Variants in LHPP observed in about 807,000 individuals in gnomAD.
LHPP encodes hLHPP.
Under a neutral mutation model 30.3 loss-of-function variants are expected in LHPP, and 24 were observed. The ratio of observed to expected loss-of-function variants is 0.79; its 90% CI spans 0.57 to 1.11. The LOEUF (loss-of-function observed/expected upper bound fraction) is 1.11. Among genes scored for constraint, LHPP ranks in the 50% most tolerant of loss-of-function variants. LHPP has a pLI of 0.00. For missense variants in LHPP, 356 were observed against 367.2 expected, an observed-to-expected ratio of 0.97 and a Z score of 0.25; for synonymous variants, 150 against 157.1, an observed-to-expected ratio of 0.95 and a Z score of 0.34.
At chr10:124,504,829 G>A (rs1781628475) in intron 5 of LHPP, among the ~76,000 whole-genome samples, 1 of 152,052 alleles carries the variant, frequency 6.6e-6, no homozygotes, top group African/African-American at 2.4e-5. Context: ...CCACCTCACC[G>A]CCGAAAGAAG....
chr10:124,526,285 A>G, intron 6 of LHPP: 1 of 968,930 alleles, frequency 1.0e-6, no homozygotes, highest in Non-Finnish European at 1.2e-6. Context: ...TGGCGGGGCC[A>G]GTGCTCATGC....
At chr10:124,519,837 C>A (rs1564806644) in intron 6 of LHPP, among the ~76,000 whole-genome samples, 3 of 150,824 alleles carry the variant, frequency 2.0e-5, no homozygotes. Flanking sequence ...TTGTTTCTTT[C>A]TTTTTTTTTC....
Position 124,461,893 on chromosome 10 carries a change from G to A in LHPP, c.31G>A (p.Val11Met). 1 of 1,256,848 alleles carries A rather than the reference G, an allele frequency of 8.0e-7. No homozygotes were observed. Among genetic ancestry groups the A allele is most frequent in the Non-Finnish European group, 1.0e-6 (1 of 997,554 alleles). The allele number at this position is 1,256,848 out of a possible 1,614,324, so 77.9% of individuals were successfully genotyped here. MAPWGKRLAG[V>M]RGVLLDISGV... ...ACCGTGGGGCAAGCGGCTGGCTGGC[G>A]TGCGCGGGGTGCTGCTTGACATCTC... The change falls in exon 1 of 7, where the codon GTG becomes ATG. Residue 11 changes from valine to methionine, a missense_variant. Transcript: ENST00000368842.
intron 1 of LHPP, among the ~76,000 whole-genome samples, chr10:124,481,810 G>A (rs1953145743): frequency 6.6e-6 from 1 of 152,180 alleles, no homozygotes; most frequent in Non-Finnish European, 1.5e-5. Context: ...TGCGCAAGGT[G>A]GGTGGCCCTT....
chr10:124,506,680 G>GACA (rs1564796503), intron 5 of LHPP, among the ~76,000 whole-genome samples: 35 of 107,236 alleles, frequency 3.3e-4, no homozygotes, highest in Non-Finnish European at 4.9e-4. Flanking sequence ...TTGGGGGGTA[G>GACA]GGAAGATTTC....
chr10:124,479,146 G>T lies in LHPP; in HGVS notation c.126-4993G>T, dbSNP rs187024422. 2.1e-3 allele frequency among the ~76,000 whole-genome samples: 327 copies of T among 152,228 alleles called. 3 individuals are homozygous for T. Among genetic ancestry groups the T allele is most frequent in the African/African-American group, 7.2e-3 (299 of 41,532 alleles). ...CCACTCCCATGGGACTCCTGGGGAG[G>T]AGGCAGCGTGCTGAGGTGGGGGCCA... is the stretch of plus-strand genomic sequence containing the variant. On this transcript the variant is annotated intron_variant, in intron 1 of 6. Coordinates refer to ENST00000368842, the MANE Select transcript of LHPP (RefSeq NM_022126.4).
At chr10:124,481,762 T>A (rs558077645) in intron 1 of LHPP, among the ~76,000 whole-genome samples, 2 of 152,264 alleles carry the variant, frequency 1.3e-5, no homozygotes, top group Admixed American at 1.3e-4. Flanking sequence ...CTCGAGTTCT[T>A]TCTATCCGAG....
intron 6 of LHPP, among the ~76,000 whole-genome samples, chr10:124,577,864 G>A (rs1948689439): frequency 6.6e-6 from 1 of 152,076 alleles, no homozygotes; most frequent in Non-Finnish European, 1.5e-5. Flanking sequence ...CCAGCTCCTT[G>A]TGTGACCTCT....
At chr10:124,600,892 T>C (rs1418870802) in intron 6 of LHPP, among the ~76,000 whole-genome samples, 1 of 152,230 alleles carries the variant, frequency 6.6e-6, no homozygotes, top group East Asian at 1.9e-4. Context: ...ACTAACGGAA[T>C]GTCCCTGATC....
At chr10:124,605,335 C>T (rs10794165) in intron 6 of LHPP, 140,684 of 152,254 alleles carry the variant, frequency 0.92, 65,204 homozygotes, top group East Asian at 1. Flanking sequence ...GGGGGACCAC[C>T]GAGGGCAGGA....
chr10:124,479,819 TG>T (rs1317499567), intron 1 of LHPP, among the ~76,000 whole-genome samples: 1 of 152,244 alleles, frequency 6.6e-6, no homozygotes, highest in Non-Finnish European at 1.5e-5. Context: ...CAGGCCTTGC[TG>T]CTTACAAGCT....
intron 6 of LHPP, among the ~76,000 whole-genome samples, chr10:124,599,962 A>G (rs916820341): frequency 2.6e-5 from 4 of 152,228 alleles, no homozygotes; most frequent in Non-Finnish European, 5.9e-5. Context: ...TAGGTCCTGA[A>G]GACCACAGGG....
At chr10:124,480,686 T>C (rs2133839990) in intron 1 of LHPP, among the ~76,000 whole-genome samples, 1 of 152,286 alleles carries the variant, frequency 6.6e-6, no homozygotes, top group South Asian at 2.1e-4. Flanking sequence ...AATTTAAAAA[T>C]AAAACTATCT....
intron 6 of LHPP, among the ~76,000 whole-genome samples, chr10:124,602,251 A>G (rs2362507): frequency 0.6 from 91,054 of 152,166 alleles, 27,428 homozygotes; most frequent in East Asian, 0.68. Flanking sequence ...ATGGCTGTTC[A>G]TCTCTGGGGG....
chr10:124,578,313 G>A (rs746939592), intron 6 of LHPP, among the ~76,000 whole-genome samples: 7 of 152,236 alleles, frequency 4.6e-5, no homozygotes, highest in Non-Finnish European at 1.0e-4. Context: ...CCTCAGGGGC[G>A]GCTCTGCGAG....
At chr10:124,526,287 T>G in intron 6 of LHPP, 1 of 964,602 alleles carries the variant, frequency 1.0e-6, no homozygotes, top group African/African-American at 1.8e-5. Flanking sequence ...GCGGGGCCAG[T>G]GCTCATGCTT....
intron 1 of LHPP, among the ~76,000 whole-genome samples, chr10:124,471,437 TTATA>T (rs369434444): frequency 2.9e-4 from 1 of 3,494 alleles, no homozygotes; most frequent in South Asian, 4.5e-3. Context: ...TATTTATATA[TTATA>T]TATATTTATA....
chr10:124,520,543 T>C (rs1373328133), intron 6 of LHPP, among the ~76,000 whole-genome samples: 1 of 152,244 alleles, frequency 6.6e-6, no homozygotes, highest in Non-Finnish European at 1.5e-5. Context: ...CATTTGTTCC[T>C]AACGAGATTT....
At chr10:124,498,488 A>T in intron 5 of LHPP, 1 of 1,455,210 alleles carries the variant, frequency 6.9e-7, no homozygotes, top group Non-Finnish European at 9.0e-7. Context: ...TGGAGGAAAT[A>T]ATAAAGTCAC....
Sources: allele counts gnomAD v4.1 joint callset (sites outside exome capture counted in the v4.1 genomes callset), GRCh38; gene constraint gnomAD v4.1.1; transcripts MANE v1.5; gene names NCBI Gene and HGNC (gene_info 2026-07-23, HGNC 2026-07-21).